ATP8B1: variants seen among roughly 807,000 people sequenced by gnomAD.
ATP8B1 encodes the protein phospholipid-transporting ATPase IC.
Under a neutral mutation model 149.9 loss-of-function variants are expected in ATP8B1, and 80 were observed. That is an observed-to-expected ratio of 0.53 (90% CI 0.45 to 0.64). The LOEUF (loss-of-function observed/expected upper bound fraction) is 0.64, where lower values mean the gene tolerates loss of function less well. Among genes scored for constraint, ATP8B1 ranks in the 30% least tolerant of loss-of-function variants. The pLI is 0.00. For missense variants in ATP8B1, 1,247 were observed against 1,552.6 expected, an observed-to-expected ratio of 0.80 and a Z score of 3.31; for synonymous variants, 536 against 562.8, an observed-to-expected ratio of 0.95 and a Z score of 0.67.
Position 57,746,547 on chromosome 18 carries a change from C to T in ATP8B1, c.-25-14715G>A, listed in dbSNP as rs562393052. ...GGAGTGCAGTGGTGTGATCTCTGCT[C>T]ACTACAACCTCCGCCTCCCTGGTTC... On this transcript the variant is annotated intron_variant, in intron 1 of 27. Transcript: ENST00000648908. Among the ~76,000 whole-genome samples the T allele has an allele frequency of 1.0e-4, 15 of 144,542 alleles. No individual in the cohort carries two copies. In the South Asian group the frequency reaches 3.1e-3, roughly 30 times the overall value. The allele number at this position is 144,542 out of a possible 152,430, so 94.8% of individuals were successfully genotyped here. A position where few individuals can be genotyped will look rare whatever the true frequency, so the allele number is the denominator to read the frequency against.
chr18:57,739,315 G>A (rs1414983018), intron 1 of ATP8B1, among the ~76,000 whole-genome samples: 5 of 151,994 alleles, frequency 3.3e-5, no homozygotes, highest in African/African-American at 1.2e-4. Context: ...TATTCGTTAG[G>A]TCTCAACTTC....
At chr18:57,794,102 A>T (rs1234278001) in intron 1 of ATP8B1, among the ~76,000 whole-genome samples, 11 of 152,186 alleles carry the variant, frequency 7.2e-5, no homozygotes, top group Admixed American at 7.2e-4. Context: ...GTGGGTGGAC[A>T]CGTAGGGATA....
chr18:57,695,482 A>T lies in ATP8B1; in HGVS notation c.749T>A (p.Leu250His). Residue 250 changes from leucine (L) to histidine (H), a missense_variant, in exon 9 of 28, where the codon CTC becomes CAC. Around this residue, in one of 3 missense-constraint regions of ATP8B1, gnomAD observed 853 missense variants for 1,035.7 expected, o/e 0.82. Coordinates refer to ENST00000648908, the MANE Select transcript of ATP8B1 (RefSeq NM_001374385.1). Reference protein sequence around the residue: ...KMSLEITDQYLQREDTLATFD... With the variant: ...KMSLEITDQYHQREDTLATFD... ...TGTAGCCAATGTATCTTCTCTTTGG[A>T]GGTACTGGTCTGTGATTTCAAGTGA... The T allele has an allele frequency of 6.2e-7, 1 of 1,612,896 alleles. No homozygotes were observed. Among genetic ancestry groups the T allele is most frequent in the Non-Finnish European group, 8.5e-7 (1 of 1,178,942 alleles).
At chr18:57,801,575 T>C (rs2123482375) in intron 1 of ATP8B1, among the ~76,000 whole-genome samples, 1 of 152,312 alleles carries the variant, frequency 6.6e-6, no homozygotes, top group South Asian at 2.1e-4. Context: ...ACATTTGCTG[T>C]CGTGTCCCCC....
chr18:57,699,578 G>A (rs1475822835), intron 6 of ATP8B1, among the ~76,000 whole-genome samples: 1 of 152,120 alleles, frequency 6.6e-6, no homozygotes, highest in Non-Finnish European at 1.5e-5. Flanking sequence ...CAAAAAATTA[G>A]CCAGGTGCAG....
Position 57,695,285 on chromosome 18 carries a change from T to A in ATP8B1, c.826A>T (p.Thr276Ser), listed in dbSNP as rs1016471493. The part of the protein sequence containing the change: ...EEPNNRLDKF[T>S]GTLFWRNTSF... ...GTGTTTCTCCAAAATAGTGTTCCTG[T>A]AAACTTATCTAGTCTGTTATTGGGT... is the stretch of plus-strand genomic sequence containing the variant. The change falls in exon 10 of 28, where the codon ACA becomes TCA. Residue 276 changes from threonine to serine, a missense_variant. By Grantham distance (58) the Thr-to-Ser change is moderately conservative (BLOSUM62 1). Transcript: ENST00000648908. The A allele has an allele frequency of 3.7e-6, 6 of 1,611,392 alleles. No individual in the cohort carries two copies. In the African/African-American group the frequency reaches 8.0e-5, roughly 22 times the overall value.
chr18:57,663,477 A>C (rs942545325), intron 20 of ATP8B1, among the ~76,000 whole-genome samples: 2 of 152,106 alleles, frequency 1.3e-5, no homozygotes, highest in Non-Finnish European at 1.5e-5. Context: ...TCATATGGTA[A>C]TCCTTTTTGA....
chr18:57,796,748 G>A (rs1289130770), intron 1 of ATP8B1, among the ~76,000 whole-genome samples: 1 of 152,136 alleles, frequency 6.6e-6, no homozygotes, highest in Non-Finnish European at 1.5e-5. Flanking sequence ...GTGCAGTGGT[G>A]CAATCTCAGC....
chr18:57,732,337 A>G (rs1568044508), intron 1 of ATP8B1, among the ~76,000 whole-genome samples: 17,519 of 49,312 alleles, frequency 0.36, 8,396 homozygotes, highest in South Asian at 0.63. Flanking sequence ...ATATGTGTGT[A>G]TATATATGTA....
intron 15 of ATP8B1, among the ~76,000 whole-genome samples, chr18:57,679,813 C>T (rs1357889387): frequency 7.9e-5 from 12 of 152,016 alleles, no homozygotes; most frequent in African/African-American, 2.7e-4. Context: ...TACAGGTGCC[C>T]GCCACCACGC....
At chr18:57,746,808 C>G (rs559740020) in intron 1 of ATP8B1, among the ~76,000 whole-genome samples, 1 of 152,170 alleles carries the variant, frequency 6.6e-6, no homozygotes, top group South Asian at 2.1e-4. Context: ...CATTCTGTCT[C>G]TTTGCAAATG....
chr18:57,777,502 G>A lies in ATP8B1; in HGVS notation c.-26+25496C>T, dbSNP rs147817551. On this transcript the variant is annotated intron_variant, in intron 1 of 27. Transcript: ENST00000648908. The stretch of plus-strand genomic sequence containing the variant: ...ATAACCAATAAACTGGTGATGGCCC[G>A]TGCCTTTGGGTAGGAGAGTTGGGTA... 3.5e-4 allele frequency among the ~76,000 whole-genome samples: 53 copies of A among 152,298 alleles called. No individual in the cohort carries two copies. The East Asian group carries it at 9.0e-3, about 26-fold the overall frequency.
intron 1 of ATP8B1, among the ~76,000 whole-genome samples, chr18:57,798,257 AAAAAC>A (rs2080537247): frequency 6.6e-6 from 1 of 152,094 alleles, no homozygotes; most frequent in African/African-American, 2.4e-5. Context: ...GTAGTAATTA[AAAAAC>A]AAAACAAACA....
In ATP8B1 at chr18:57,768,250, G is replaced by T. The variant is rs370963786; in HGVS notation, c.-26+34748C>A. Among the ~76,000 whole-genome samples the T allele has an allele frequency of 4.0e-5, 6 of 151,726 alleles. No homozygotes were observed. The East Asian group carries it at 1.2e-3, about 30-fold the overall frequency. On this transcript the variant is annotated intron_variant, in intron 1 of 27. Transcript: ENST00000648908. The stretch of plus-strand genomic sequence containing the variant: ...AGAGATACAAAAATTAGCCAGGTGT[G>T]GTGGGGGGCACCTGTAGTCCCAGCT...
At position 57,732,161 on chromosome 18, in the gene ATP8B1, A is replaced by ATATGTGTATATATGTATATATG. The variant is rs1568044006; in HGVS notation, c.-25-330_-25-329insCATATATACATATATACACATA. 2 of 27,436 alleles carry ATATGTGTATATATGTATATATG rather than the reference A, an allele frequency of 7.3e-5. 1 individual carries two copies. Among genetic ancestry groups the ATATGTGTATATATGTATATATG allele is most frequent in the African/African-American group, 2.5e-4 (2 of 7,844 alleles). The allele number at this position is 27,436 out of a possible 1,614,324, so 1.7% of individuals were successfully genotyped here. On this transcript the variant is annotated intron_variant, in intron 1 of 27. Transcript: ENST00000648908. ...TATATATGTGTATATATGTATATATATGTATATATGTATATATGTGTATAT... is the reference window on the plus strand; with the variant it reads ...TATATATGTGTATATATGTATATATATATGTGTATATATGTATATATGTGTATATATGTATATATGTGTATAT...
At position 57,680,277 on chromosome 18, in the gene ATP8B1, C is replaced by CAAAAAAAAAAAAAAAA. The variant is rs71171066; in HGVS notation, c.1630+3743_1630+3758dup. 6.9e-4 allele frequency among the ~76,000 whole-genome samples: 28 copies of CAAAAAAAAAAAAAAAA among 40,448 alleles called. 1 individual carries two copies. Among genetic ancestry groups the CAAAAAAAAAAAAAAAA allele is most frequent in the Admixed American group, 1.5e-3 (3 of 2,056 alleles). 26.5% of individuals were successfully genotyped at this position (40,448 alleles called of 152,430 possible). On this transcript the variant is annotated intron_variant, in intron 15 of 27. Coordinates refer to ENST00000648908, the MANE Select transcript of ATP8B1 (RefSeq NM_001374385.1). ...GGGCAACAGGAGCGAGACTCAGTCT[C>CAAAAAAAAAAAAAAAA]AAAAAAAAAAAAAAAAAAAAAAAAA...
chr18:57,649,600 C>G (rs569239059), intron 27 of ATP8B1, among the ~76,000 whole-genome samples: 4 of 152,106 alleles, frequency 2.6e-5, no homozygotes, highest in Non-Finnish European at 4.4e-5. Context: ...GATTGCCCCC[C>G]CCAACCCCTC....
At chr18:57,666,992 T>C in intron 20 of ATP8B1, 100 bp downstream of exon 20, 1 of 1,095,634 alleles carries the variant, frequency 9.1e-7, no homozygotes, top group Non-Finnish European at 1.4e-6. Context: ...AAGTGACACA[T>C]CGTAACCCCT....
chr18:57,750,198 G>C (rs1299653125), intron 1 of ATP8B1, among the ~76,000 whole-genome samples: 1 of 152,180 alleles, frequency 6.6e-6, no homozygotes, highest in Non-Finnish European at 1.5e-5. Flanking sequence ...AGCCGAGACT[G>C]TGCCACTGCA....
Sources: allele counts gnomAD v4.1 joint callset (sites outside exome capture counted in the v4.1 genomes callset), GRCh38; gene constraint gnomAD v4.1.1; regional missense constraint gnomAD v4.1.1; transcripts MANE v1.5; gene names NCBI Gene and HGNC (gene_info 2026-07-23, HGNC 2026-07-21).